The following PEX5L variants were observed in gnomAD, a reference collection of about 807,000 sequenced individuals.
PEX5L encodes PEX5-related protein.
PEX5L carries 30 observed loss-of-function variants against 84.0 expected under a neutral mutation model. The ratio of observed to expected loss-of-function variants is 0.36; its 90% CI spans 0.27 to 0.48. PEX5L has a LOEUF of 0.48. Among genes scored for constraint, PEX5L ranks in the 20% least tolerant of loss-of-function variants. PEX5L has a pLI of 0.99. For synonymous variants in PEX5L, 270 were observed against 283.1 expected (o/e 0.95, Z 0.46); for missense variants, 533 against 754.6 (o/e 0.71, Z 3.44).
chr3:179,956,711 G>A (rs752248275), intron 2 of PEX5L, among the ~76,000 whole-genome samples: 8 of 152,168 alleles, frequency 5.3e-5, no homozygotes, highest in Non-Finnish European at 8.8e-5. Flanking sequence ...CAGAAATGCT[G>A]TATAACTGCC....
intron 2 of PEX5L, among the ~76,000 whole-genome samples, chr3:179,919,153 A>G (rs975926756): frequency 6.6e-6 from 1 of 152,212 alleles, no homozygotes; most frequent in Non-Finnish European, 1.5e-5. Context: ...AAGTAACAAG[A>G]CACTGCCAAA....
intron 2 of PEX5L, among the ~76,000 whole-genome samples, chr3:179,930,388 A>G (rs1772725318): frequency 6.6e-6 from 1 of 152,112 alleles, no homozygotes; most frequent in Admixed American, 6.5e-5. Context: ...CAAAATTCCA[A>G]CTTCCTGGGA....
intron 10 of PEX5L, among the ~76,000 whole-genome samples, chr3:179,812,471 G>T (rs543603537): frequency 1.3e-5 from 2 of 151,842 alleles, no homozygotes; most frequent in Non-Finnish European, 2.9e-5. Context: ...ACATTTCATC[G>T]TACCTTAAGC....
chr3:179,890,073 T>A (rs1757140275), intron 3 of PEX5L, among the ~76,000 whole-genome samples: 1 of 152,206 alleles, frequency 6.6e-6, no homozygotes, highest in South Asian at 2.1e-4. Flanking sequence ...TGTAACAGTT[T>A]CCAAAGGACC....
intron 2 of PEX5L, among the ~76,000 whole-genome samples, chr3:179,963,088 G>C (rs370724307): frequency 9.8e-4 from 149 of 152,290 alleles, no homozygotes; most frequent in African/African-American, 3.5e-3. Context: ...AACTTGAGAT[G>C]GTGACTCATG....
chr3:179,906,953 G>A (rs1763438113), intron 2 of PEX5L, among the ~76,000 whole-genome samples: 1 of 152,104 alleles, frequency 6.6e-6, no homozygotes, highest in African/African-American at 2.4e-5. Context: ...TGGGCATAGA[G>A]GGAGGTGAGA....
intron 14 of PEX5L, among the ~76,000 whole-genome samples, chr3:179,806,379 A>G (rs1721320323): frequency 1.3e-5 from 2 of 152,208 alleles, no homozygotes; most frequent in Admixed American, 1.3e-4. Flanking sequence ...CAGTGTCCAT[A>G]AAATAAAGCA....
intron 2 of PEX5L, among the ~76,000 whole-genome samples, chr3:179,901,447 G>A (rs937052063): frequency 6.6e-6 from 1 of 152,132 alleles, no homozygotes; most frequent in Non-Finnish European, 1.5e-5. Context: ...CATATAAGCA[G>A]TTTATAAACT....
chr3:179,986,616 A>C (rs1786871769), intron 1 of PEX5L, among the ~76,000 whole-genome samples: 1 of 152,022 alleles, frequency 6.6e-6, no homozygotes, highest in Non-Finnish European at 1.5e-5. Context: ...GTTAGCCAGG[A>C]TAGTCTCTAT....
chr3:179,831,770 G>T (rs1733064509), intron 8 of PEX5L, among the ~76,000 whole-genome samples: 1 of 152,276 alleles, frequency 6.6e-6, no homozygotes, highest in African/African-American at 2.4e-5. Flanking sequence ...CACGAGGAAA[G>T]AAAATTTCCA....
intron 2 of PEX5L, among the ~76,000 whole-genome samples, chr3:179,952,226 C>T (rs73178021): frequency 0.019 from 2,957 of 152,262 alleles, 38 homozygotes; most frequent in Non-Finnish European, 0.031. Context: ...TAACAACAGA[C>T]GAAAGGCATA....
At position 179,887,690 on chromosome 3, in the gene PEX5L, A is replaced by G. The variant is rs1756333411; in HGVS notation, c.293T>C (p.Val98Ala). 6.2e-7 allele frequency: 1 copy of G among 1,607,980 alleles called. No homozygotes were observed. The highest frequency in any genetic ancestry group is 1.7e-5 in the Admixed American group (1 of 60,000). ...ETKSEAIARP[V>A]TSNTAVLTTG... ...AGAATTACCAGCTGTATTGGATGTT[A>G]CTGGCCTTGCTATTGCTTCCGATTT... The change falls in exon 4 of 15, where the codon GTA becomes GCA. Residue 98 changes from valine to alanine, a missense_variant. Around this residue, in one of 8 missense-constraint regions of PEX5L, gnomAD observed 259 missense variants for 301.7 expected, o/e 0.86. Coordinates refer to ENST00000467460, the MANE Select transcript of PEX5L (RefSeq NM_016559.3).
Position 179,984,010 on chromosome 3 carries a change from A to C in PEX5L, c.22-12345T>G, listed in dbSNP as rs200728315. Among the ~76,000 whole-genome samples the C allele has an allele frequency of 2.0e-4, 30 of 152,254 alleles. No individual in the cohort carries two copies. In the East Asian group the frequency reaches 5.4e-3, roughly 27 times the overall value. The stretch of plus-strand genomic sequence containing the variant: ...ATGCATGAGTTAAAGATCCATTCAA[A>C]GTGTAAGGGAGACCAATGGATGTTA... On this transcript the variant is annotated intron_variant, in intron 1 of 14. Coordinates refer to ENST00000467460, the MANE Select transcript of PEX5L (RefSeq NM_016559.3).
intron 8 of PEX5L, among the ~76,000 whole-genome samples, chr3:179,828,824 T>C (rs1409041278): frequency 6.6e-6 from 1 of 152,148 alleles, no homozygotes; most frequent in African/African-American, 2.4e-5. Flanking sequence ...GTCTATGACA[T>C]AGTTTGTTTT....
At chr3:179,988,951 A>G (rs1036010989) in intron 1 of PEX5L, among the ~76,000 whole-genome samples, 2 of 152,250 alleles carry the variant, frequency 1.3e-5, no homozygotes, top group Admixed American at 6.5e-5. Context: ...GTAAAATGCC[A>G]TTATCAAGAT....
At chr3:179,868,024 T>TTTC (rs1327660438) in intron 7 of PEX5L, among the ~76,000 whole-genome samples, 29 of 139,102 alleles carry the variant, frequency 2.1e-4, no homozygotes, top group African/African-American at 7.1e-4. Flanking sequence ...TATTTATGTA[T>TTTC]TTATTCTTCT....
intron 1 of PEX5L, among the ~76,000 whole-genome samples, chr3:179,997,279 AT>A (rs1479088214): frequency 2.0e-5 from 3 of 152,160 alleles, no homozygotes; most frequent in Non-Finnish European, 4.4e-5. Flanking sequence ...CCAAAACAGC[AT>A]TGTGGTCCTC....
chr3:180,005,263 T>TA (rs1788774902), intron 1 of PEX5L, among the ~76,000 whole-genome samples: 1 of 152,094 alleles, frequency 6.6e-6, no homozygotes, highest in African/African-American at 2.4e-5. Flanking sequence ...AGTTTTTATT[T>TA]TTTTTTGTTT....
intron 2 of PEX5L, among the ~76,000 whole-genome samples, chr3:179,900,305 AT>A: frequency 6.6e-6 from 1 of 152,298 alleles, no homozygotes; most frequent in Non-Finnish European, 1.5e-5. Flanking sequence ...TTCCTATTAT[AT>A]TTAAAATAAC....
Sources: allele counts gnomAD v4.1 joint callset (sites outside exome capture counted in the v4.1 genomes callset), GRCh38; gene constraint gnomAD v4.1.1; regional missense constraint gnomAD v4.1.1; transcripts MANE v1.5; gene names NCBI Gene and HGNC (gene_info 2026-07-23, HGNC 2026-07-21).